ARHGEF19: variants seen among roughly 807,000 people sequenced by gnomAD.
ARHGEF19 encodes Rho guanine nucleotide exchange factor 19.
Under a neutral mutation model 87.6 loss-of-function variants are expected in ARHGEF19, and 92 were observed. The ratio of observed to expected loss-of-function variants is 1.05; its 90% CI spans 0.89 to 1.25. The LOEUF is 1.25. Among genes scored for constraint, ARHGEF19 ranks in the 50% most tolerant of loss-of-function variants. The probability of loss-of-function intolerance (pLI) is 0.00; values close to 1 mark genes in which losing one functional copy is unlikely to be tolerated. For missense variants in ARHGEF19, 1,054 were observed against 1,051.8 expected (o/e 1.00, Z -0.03); for synonymous variants, 438 against 446.2 (o/e 0.98, Z 0.23).
rs1569718421 is a variant in ARHGEF19 at position 16,208,627 on chromosome 1, C to T, written c.412+16G>A. 2 of 1,592,540 alleles carry T rather than the reference C, an allele frequency of 1.3e-6. No individual in the cohort carries two copies. The highest frequency in any genetic ancestry group is 1.7e-6 in the Non-Finnish European group (2 of 1,173,106). On this transcript the variant is annotated intron_variant, in intron 2 of 15. Coordinates refer to ENST00000270747, the MANE Select transcript of ARHGEF19 (RefSeq NM_153213.5). ...CTGCCATGGCACCCACACCCGCCTTCCCCAGGGTGACTCACAGGCAGACTT... is the reference window on the plus strand; with the variant it reads ...CTGCCATGGCACCCACACCCGCCTTTCCCAGGGTGACTCACAGGCAGACTT...
intron 12 of ARHGEF19, among the ~76,000 whole-genome samples, chr1:16,204,015 T>C (rs903608531): frequency 1.3e-5 from 2 of 152,230 alleles, no homozygotes; most frequent in Non-Finnish European, 2.9e-5. Flanking sequence ...TGAATTCTTC[T>C]TATAGCATAA....
At chr1:16,204,675 G>T in intron 12 of ARHGEF19, 84 bp downstream of exon 12, 2 of 1,458,726 alleles carry the variant, frequency 1.4e-6, no homozygotes, top group Non-Finnish European at 1.8e-6. Flanking sequence ...CAGGCCCAGG[G>T]ATGGACTGGT....
chr1:16,209,158 G>T, intron 1 of ARHGEF19, 75 bp from the exon 2 acceptor site: 1 of 1,169,312 alleles, frequency 8.6e-7, no homozygotes, highest in Non-Finnish European at 1.1e-6. Flanking sequence ...CTGGAGGCCT[G>T]GACAAACCCC....
chr1:16,207,080 G>A lies in ARHGEF19; in HGVS notation c.1005C>T (p.Leu335=), dbSNP rs2081145665. ...GCGCCCGGAAGGAGCTGCTGGGGGA[G>A]AGGTTGGCCCGCGGCGGCCCCGGCC... ...EEGPGPPRAN[L]SPSSSFRAQR... The change falls in exon 6 of 16, where the codon CTC becomes CTT. Residue 335 remains leucine (L), a synonymous_variant. Coordinates refer to ENST00000270747, the MANE Select transcript of ARHGEF19 (RefSeq NM_153213.5). The surrounding 1 kb of genome is among the most constrained non-coding windows in gnomAD (Gnocchi z 4.0). The A allele has an allele frequency of 2.7e-6, 4 of 1,509,014 alleles. No individual in the cohort carries two copies. Among genetic ancestry groups the A allele is most frequent in the African/African-American group, 1.5e-5 (1 of 68,770 alleles). 93.5% of individuals were successfully genotyped at this position (1,509,014 alleles called of 1,614,324 possible). A position where few individuals can be genotyped will look rare whatever the true frequency, so the allele number is the denominator to read the frequency against.
rs777517959 is a variant in ARHGEF19 at position 16,202,576 on chromosome 1, T to A, written c.1908-2A>T. On this transcript the variant is annotated splice_acceptor_variant, in intron 12 of 15. Transcript: ENST00000270747. LOFTEE classifies it high-confidence loss of function. Reference sequence around the variant, plus strand: ...ACGAAAACGGCAAACTTCCCTAGCCTGGAGGACCGGGGGAGGGGAGGTCAG... The same window carrying A: ...ACGAAAACGGCAAACTTCCCTAGCCAGGAGGACCGGGGGAGGGGAGGTCAG... 1 of 1,611,608 alleles carries A rather than the reference T, an allele frequency of 6.2e-7. No individual in the cohort carries two copies. Among genetic ancestry groups the A allele is most frequent in the South Asian group, 1.1e-5 (1 of 90,892 alleles).
chr1:16,209,122 T>G, intron 1 of ARHGEF19, 39 bp from the exon 2 acceptor site: 3 of 1,373,370 alleles, frequency 2.2e-6, no homozygotes, highest in Non-Finnish European at 2.8e-6. Flanking sequence ...CAGAGGACAG[T>G]GGGGCTGGCC....
intron 14 of ARHGEF19, among the ~76,000 whole-genome samples, chr1:16,200,128 C>A (rs1381199327): frequency 1.3e-5 from 2 of 152,232 alleles, no homozygotes; most frequent in African/African-American, 4.8e-5. Context: ...AGCATCTACC[C>A]CCTTCCTGGT....
intron 12 of ARHGEF19, among the ~76,000 whole-genome samples, chr1:16,202,840 C>CT (rs1024139804): frequency 6.6e-5 from 10 of 152,106 alleles, no homozygotes; most frequent in East Asian, 1.9e-4. Flanking sequence ...TTCTCTCTCT[C>CT]TTTTTTTTGT....
Position 16,206,844 on chromosome 1 carries a change from C to T in ARHGEF19, c.1137+104G>A, listed in dbSNP as rs1348768103. ...CGCGCGGACAGTCGCGCCAGCAACCCCCTTTGTGTGTCCCCCTCCCTCTAT... is the reference window on the plus strand; with the variant it reads ...CGCGCGGACAGTCGCGCCAGCAACCTCCTTTGTGTGTCCCCCTCCCTCTAT... On this transcript the variant is annotated intron_variant, in intron 6 of 15. Coordinates refer to ENST00000270747, the MANE Select transcript of ARHGEF19 (RefSeq NM_153213.5). The surrounding 1 kb of genome is among the most constrained non-coding windows in gnomAD (Gnocchi z 4.6). 1.5e-6 allele frequency: 2 copies of T among 1,323,314 alleles called. No individual in the cohort carries two copies. Among genetic ancestry groups the T allele is most frequent in the South Asian group, 1.7e-5 (1 of 58,288 alleles). 82.0% of individuals were successfully genotyped at this position (1,323,314 alleles called of 1,614,324 possible). A position where few individuals can be genotyped will look rare whatever the true frequency, so the allele number is the denominator to read the frequency against.
rs936515041 is a variant in ARHGEF19, at chr1:16,204,745, C to T, written c.1907+14G>A. 1.5e-5 allele frequency: 24 copies of T among 1,567,924 alleles called. No individual in the cohort carries two copies. Among genetic ancestry groups the T allele is most frequent in the Non-Finnish European group, 1.8e-5 (21 of 1,152,456 alleles). On this transcript the variant is annotated intron_variant, in intron 12 of 15. Coordinates refer to ENST00000270747, the MANE Select transcript of ARHGEF19 (RefSeq NM_153213.5). ...CTCCACTTTACCTACCCACCCCTGACTGCCCCGACTCACTCCTTCCGCCGA... is the reference window on the plus strand; with the variant it reads ...CTCCACTTTACCTACCCACCCCTGATTGCCCCGACTCACTCCTTCCGCCGA...
intron 1 of ARHGEF19, among the ~76,000 whole-genome samples, chr1:16,209,835 A>T (rs1020581301): frequency 1.3e-5 from 2 of 151,900 alleles, no homozygotes; most frequent in African/African-American, 4.8e-5. Flanking sequence ...TGGTGCCCAC[A>T]CCCATGCCAA....
At position 16,199,178 on chromosome 1, in the gene ARHGEF19, G is replaced by C. The variant is rs1307160375; in HGVS notation, c.2223C>G (p.Ile741Met). The change falls in exon 15 of 16, where the codon ATC becomes ATG. Residue 741 changes from isoleucine to methionine, a missense_variant. Transcript: ENST00000270747. ...CACTGGTCCAGGTCCTCACTGACAG[G>C]ATGTCAGTCTTCTCCAAGGTCAGCT... The part of the protein sequence containing the change: ...PDELTLEKTD[I>M]LSVRTWTSDG... 2 of 1,614,028 alleles carry C rather than the reference G, an allele frequency of 1.2e-6. No individual in the cohort carries two copies. Among genetic ancestry groups the C allele is most frequent in the African/African-American group, 2.7e-5 (2 of 75,016 alleles).
Position 16,205,569 on chromosome 1 carries a change from T to C in ARHGEF19, c.1550A>G (p.Gln517Arg). Residue 517 changes from glutamine to arginine, a missense_variant, in exon 9 of 16, where the codon CAG becomes CGG. Coordinates refer to ENST00000270747, the MANE Select transcript of ARHGEF19 (RefSeq NM_153213.5). This position sits in a 1 kb window ranked among gnomAD's most constrained non-coding sequence, Gnocchi z 5.8. ...CAACATCTTGAGGCGGGTGATCCTC[T>C]GGAAGGGCAGGATAAGGAAGGAGGT... Reference protein sequence around the residue: ...PLTSFLILPFQRITRLKMLVE... With the variant: ...PLTSFLILPFRRITRLKMLVE... 1 of 1,613,850 alleles carries C rather than the reference T, an allele frequency of 6.2e-7. No homozygotes were observed. The highest frequency in any genetic ancestry group is 8.5e-7 in the Non-Finnish European group (1 of 1,179,922).
chr1:16,209,883 C>T (rs2081183648), intron 1 of ARHGEF19, among the ~76,000 whole-genome samples: 1 of 152,268 alleles, frequency 6.6e-6, no homozygotes, highest in African/African-American at 2.4e-5. Context: ...GGCGGGCCAC[C>T]ACCCAGATCA....
Position 16,203,161 on chromosome 1 carries a change from G to C in ARHGEF19, c.1908-587C>G, listed in dbSNP as rs561806280. On this transcript the variant is annotated intron_variant, in intron 12 of 15. Coordinates refer to ENST00000270747, the MANE Select transcript of ARHGEF19 (RefSeq NM_153213.5). Reference sequence around the variant, plus strand: ...CTGCCTGACCCACAATTTGGGCTCAGTAAGTACTTGTAGGCAGGATGGGTG... The same window carrying C: ...CTGCCTGACCCACAATTTGGGCTCACTAAGTACTTGTAGGCAGGATGGGTG... Among the ~76,000 whole-genome samples, 6 of 149,274 alleles carry C rather than the reference G, an allele frequency of 4.0e-5. No individual in the cohort carries two copies. The East Asian group carries it at 5.8e-4, about 15-fold the overall frequency.
chr1:16,211,247 G>T (rs2081194443), intron 1 of ARHGEF19, among the ~76,000 whole-genome samples: 1 of 151,904 alleles, frequency 6.6e-6, no homozygotes, highest in Admixed American at 6.6e-5. Flanking sequence ...TTATATCGCA[G>T]GAGTGTGCAC....
In ARHGEF19 at chr1:16,207,010, G is replaced by A. The variant is rs768901581; in HGVS notation, c.1075C>T (p.Pro359Ser). ...AGGACGCCGCTGCCGCGTACGTCGG[G>A]GATATCCTGCCACAGCGAGAAGGTG... is the stretch of plus-strand genomic sequence containing the variant. ...GSTFSLWQDIPDVRGSGVLAT... is the reference protein window; with the variant it reads ...GSTFSLWQDISDVRGSGVLAT... Residue 359 changes from proline to serine, a missense_variant, in exon 6 of 16, where the codon CCC becomes TCC. By Grantham distance (74) the Pro-to-Ser change is moderately conservative. Coordinates refer to ENST00000270747, the MANE Select transcript of ARHGEF19 (RefSeq NM_153213.5). This position sits in a 1 kb window ranked among gnomAD's most constrained non-coding sequence, Gnocchi z 4.0. The A allele has an allele frequency of 8.6e-6, 13 of 1,517,960 alleles. No individual in the cohort carries two copies. In the African/African-American group the frequency reaches 1.0e-4, roughly 12 times the overall value. The allele number at this position is 1,517,960 out of a possible 1,614,324, so 94.0% of individuals were successfully genotyped here. A position where few individuals can be genotyped will look rare whatever the true frequency, so the allele number is the denominator to read the frequency against.
chr1:16,208,908 G>T lies in ARHGEF19; in HGVS notation c.147C>A (p.Asp49Glu). The T allele has an allele frequency of 6.3e-7, 1 of 1,595,070 alleles. No homozygotes were observed. The highest frequency in any genetic ancestry group is 1.4e-5 in the African/African-American group (1 of 73,738). The change falls in exon 2 of 16, where the codon GAC becomes GAA. Residue 49 changes from aspartate (D) to glutamate (E), a missense_variant. Coordinates refer to ENST00000270747, the MANE Select transcript of ARHGEF19 (RefSeq NM_153213.5). Reference protein sequence around the residue: ...ALKPPSPVCLDLFPVAPEELR... With the variant: ...ALKPPSPVCLELFPVAPEELR... Reference sequence around the variant, plus strand: ...GCTCCTCTGGGGCAACAGGGAAAAGGTCCAGACACACTGGGCTCGGGGGCT... The same window carrying T: ...GCTCCTCTGGGGCAACAGGGAAAAGTTCCAGACACACTGGGCTCGGGGGCT...
At chr1:16,209,287 C>G (rs1340024683) in intron 1 of ARHGEF19, among the ~76,000 whole-genome samples, 20 of 152,240 alleles carry the variant, frequency 1.3e-4, no homozygotes, top group Admixed American at 1.3e-3. Flanking sequence ...CACATACTAT[C>G]TCATTTAATC....
Sources: gnomAD v4.1 joint callset for allele counts (sites outside exome capture counted in the v4.1 genomes callset) on GRCh38, gnomAD v4.1.1 for gene constraint, Gnocchi (gnomAD v3.1) non-coding constraint, MANE v1.5 for transcripts, NCBI Gene and HGNC (gene_info 2026-07-23, HGNC 2026-07-21) for gene names.